Variants in NFKB2 observed in about 807,000 individuals in gnomAD.
The protein encoded by NFKB2 is nuclear factor NF-kappa-B p100 subunit.
NFKB2 carries 21 observed loss-of-function variants against 109.3 expected under a neutral mutation model. The observed-to-expected ratio is 0.19, with a 90% CI of 0.14 to 0.28. NFKB2 has a LOEUF of 0.28. Among genes scored for constraint, NFKB2 ranks in the 10% least tolerant of loss-of-function variants. The pLI is 1.00. For missense variants in NFKB2, 806 were observed against 1,185.3 expected, an observed-to-expected ratio of 0.68 and a Z score of 4.70; for synonymous variants, 478 against 489.9, an observed-to-expected ratio of 0.98 and a Z score of 0.32.
chr10:102,396,122 T>A lies in NFKB2; in HGVS notation c.22-131T>A. 6.9e-7 allele frequency: 1 copy of A among 1,457,314 alleles called. No homozygotes were observed. 90.3% of individuals were successfully genotyped at this position (1,457,314 alleles called of 1,614,324 possible). On this transcript the variant is annotated intron_variant, in intron 2 of 22. Transcript: ENST00000661543. This position sits in a 1 kb window ranked among gnomAD's most constrained non-coding sequence, Gnocchi z 5.9. ...CAGTCTGTCCATCTGTCTGCAACTC[T>A]GCCTCCAAAAGGAGCTTTCTCTTGG...
chr10:102,399,782 G>T, intron 14 of NFKB2, 64 bp downstream of exon 14: 1 of 1,436,080 alleles, frequency 7.0e-7, no homozygotes, highest in Non-Finnish European at 9.1e-7. Flanking sequence ...CCGGCACGGA[G>T]GCGGGCTCTG....
Position 102,399,476 on chromosome 10 carries a change from GC to G in NFKB2, c.1310del (p.Pro437ArgfsTer45). On this transcript the variant is annotated frameshift_variant, in exon 13 of 23. Coordinates refer to ENST00000661543, the MANE Select transcript of NFKB2 (RefSeq NM_001322934.2). LOFTEE classifies it high-confidence loss of function. ...PSRTPQCEPQAPEMLQRAREY... is the reference protein window; with the variant it reads ...PSRTPQCEPQXPEMLQRAREY... ...CAGGACCCCCCAGTGCGAGCCGCAGGCCCCGGAGATGCTGCAGCGAGGTATG... is the reference window on the plus strand; with the variant it reads ...CAGGACCCCCCAGTGCGAGCCGCAGGCCCGGAGATGCTGCAGCGAGGTATG... The G allele has an allele frequency of 6.7e-7, 1 of 1,495,910 alleles. No individual in the cohort carries two copies. The highest frequency in any genetic ancestry group is 8.9e-7 in the Non-Finnish European group (1 of 1,120,822). 92.7% of individuals were successfully genotyped at this position (1,495,910 alleles called of 1,614,324 possible). A position where few individuals can be genotyped will look rare whatever the true frequency, so the allele number is the denominator to read the frequency against.
rs1315519000 is a variant in NFKB2 at position 102,398,697 on chromosome 10, G to T, written c.992-42G>T. The T allele has an allele frequency of 1.2e-6, 2 of 1,612,070 alleles. No homozygotes were observed. The highest frequency in any genetic ancestry group is 4.5e-5 in the East Asian group (2 of 44,884). The stretch of plus-strand genomic sequence containing the variant: ...CTTCTGGGAAGGGCCCCTGAGGCAT[G>T]ACACAATAACTGGGCTCAATCTCAT... On this transcript the variant is annotated intron_variant, in intron 11 of 22. Transcript: ENST00000661543. This position sits in a 1 kb window ranked among gnomAD's most constrained non-coding sequence, Gnocchi z 6.6.
Position 102,402,063 on chromosome 10 carries a change from C to T in NFKB2, c.2482C>T (p.Leu828=), listed in dbSNP as rs2061269243. 3.8e-6 allele frequency: 6 copies of T among 1,570,786 alleles called. No individual in the cohort carries two copies. Among genetic ancestry groups the T allele is most frequent in the Non-Finnish European group, 5.2e-6 (6 of 1,157,516 alleles). The part of the protein sequence containing the change: ...LRSYELAGGD[L]AGLLEALSDM... ...GTCTTCTCAGCTGGCTGGCGGGGAC[C>T]TGGCAGGTCTACTGGAGGCCCTGTC... is the stretch of plus-strand genomic sequence containing the variant. Residue 828 remains leucine, a synonymous_variant, in exon 22 of 23, where the codon CTG becomes TTG. Coordinates refer to ENST00000661543, the MANE Select transcript of NFKB2 (RefSeq NM_001322934.2).
chr10:102,400,563 T>C lies in NFKB2; in HGVS notation c.1798+72T>C. On this transcript the variant is annotated intron_variant, in intron 16 of 22. Transcript: ENST00000661543. The surrounding 1 kb of genome is among the most constrained non-coding windows in gnomAD (Gnocchi z 6.3). ...GAGGGTATCTGGCCAGTGCCCAGAA[T>C]GGACTATGAGGTGTCGAGATTGAAT... 6.3e-7 allele frequency: 1 copy of C among 1,595,272 alleles called. No homozygotes were observed. The highest frequency in any genetic ancestry group is 8.6e-7 in the Non-Finnish European group (1 of 1,169,494).
chr10:102,401,908 C>T lies in NFKB2; in HGVS notation c.2457C>T (p.Arg819=), dbSNP rs767482489. 2 of 1,611,596 alleles carry T rather than the reference C, an allele frequency of 1.2e-6. No homozygotes were observed. The highest frequency in any genetic ancestry group is 8.5e-7 in the Non-Finnish European group (1 of 1,178,746). The change falls in exon 21 of 23, where the codon CGC becomes CGT. Residue 819 remains arginine (R), a synonymous_variant. Transcript: ENST00000661543. The surrounding 1 kb of genome is among the most constrained non-coding windows in gnomAD (Gnocchi z 4.2). ...CCTCACCCAGTGGCAGCCTCCTGCG[C>T]AGCTACGAGGTGGGTTGGCCTGTGC... is the stretch of plus-strand genomic sequence containing the variant. ...QTTSPSGSLL[R]SYELAGGDLA... is the part of the protein sequence containing the mutation.
Position 102,401,579 on chromosome 10 carries a change from CT to C in NFKB2, c.2293+63del. The C allele has an allele frequency of 6.3e-7, 1 of 1,581,024 alleles. No individual in the cohort carries two copies. Among genetic ancestry groups the C allele is most frequent in the Non-Finnish European group, 8.6e-7 (1 of 1,156,822 alleles). On this transcript the variant is annotated intron_variant, in intron 20 of 22. Coordinates refer to ENST00000661543, the MANE Select transcript of NFKB2 (RefSeq NM_001322934.2). This position sits in a 1 kb window ranked among gnomAD's most constrained non-coding sequence, Gnocchi z 4.2. ...TGACTCCTCACAGAGGTCTCTTCTC[CT>C]TCAGGACCTCTGAAGGAGGCCTCCC...
At position 102,402,042 on chromosome 10, in the gene NFKB2, T is replaced by C. The variant is rs1366165888; in HGVS notation, c.2467-6T>C. 1.9e-6 allele frequency: 3 copies of C among 1,570,338 alleles called. No homozygotes were observed. Among genetic ancestry groups the C allele is most frequent in the African/African-American group, 1.4e-5 (1 of 74,038 alleles). On this transcript the variant is annotated splice_polypyrimidine_tract_variant and splice_region_variant and intron_variant, in intron 21 of 22. Coordinates refer to ENST00000661543, the MANE Select transcript of NFKB2 (RefSeq NM_001322934.2). ...TGACTCAGACCTCATTCCTCTGTCT[T>C]CTCAGCTGGCTGGCGGGGACCTGGC... is the stretch of plus-strand genomic sequence containing the variant.
In NFKB2 at chr10:102,397,499, A is replaced by G; in HGVS notation, c.503-28A>G. On this transcript the variant is annotated intron_variant, in intron 7 of 22. Transcript: ENST00000661543. The surrounding 1 kb of genome is among the most constrained non-coding windows in gnomAD (Gnocchi z 4.7). ...GGAAGGAGCAGGGAGGGAGAAGCCC[A>G]GGGGTCACACATGTACCTACTGCCC... is the stretch of plus-strand genomic sequence containing the variant. The G allele has an allele frequency of 1.2e-6, 2 of 1,609,860 alleles. No homozygotes were observed. Among genetic ancestry groups the G allele is most frequent in the Non-Finnish European group, 1.7e-6 (2 of 1,177,358 alleles).
Position 102,402,248 on chromosome 10 carries a change from C to G in NFKB2, c.2579-4C>G, listed in dbSNP as rs1454033930. The G allele has an allele frequency of 1.9e-6, 3 of 1,551,428 alleles. No individual in the cohort carries two copies. The East Asian group carries it at 7.3e-5, about 38-fold the overall frequency. Reference sequence around the variant, plus strand: ...ATCCCATTCCTGTCCCCATTTACCCCCAGCAGAGGTGAAGGAAGACAGTGC... The same window carrying G: ...ATCCCATTCCTGTCCCCATTTACCCGCAGCAGAGGTGAAGGAAGACAGTGC... On this transcript the variant is annotated splice_polypyrimidine_tract_variant and splice_region_variant and intron_variant, in intron 22 of 22. Coordinates refer to ENST00000661543, the MANE Select transcript of NFKB2 (RefSeq NM_001322934.2).
rs1162031775 is a variant in NFKB2 at position 102,398,051 on chromosome 10, T to C, written c.732T>C (p.Asp244=). 6.2e-7 allele frequency: 1 copy of C among 1,614,126 alleles called. No individual in the cohort carries two copies. Among genetic ancestry groups the C allele is most frequent in the Admixed American group, 1.7e-5 (1 of 60,026 alleles). Reference sequence around the variant, plus strand: ...CAGCAGGCTCTGTGCGGGGTGGAGATGAAGTTTATCTGCTTTGTGACAAGG... The same window carrying C: ...CAGCAGGCTCTGTGCGGGGTGGAGACGAAGTTTATCTGCTTTGTGACAAGG... ...DKTAGSVRGG[D]EVYLLCDKVQ... is the part of the protein sequence containing the mutation. Residue 244 remains aspartate, a synonymous_variant, in exon 9 of 23, where the codon GAT becomes GAC. Transcript: ENST00000661543. This position sits in a 1 kb window ranked among gnomAD's most constrained non-coding sequence, Gnocchi z 6.6.
rs1294313949 is a variant in NFKB2, at chr10:102,400,416, C to T, written c.1723C>T (p.Pro575Ser). 4.3e-6 allele frequency: 7 copies of T among 1,613,020 alleles called. No individual in the cohort carries two copies. Among genetic ancestry groups the T allele is most frequent in the South Asian group, 1.1e-5 (1 of 91,084 alleles). Residue 575 changes from proline (P) to serine (S), a missense_variant, in exon 16 of 23, where the codon CCT becomes TCT. Coordinates refer to ENST00000661543, the MANE Select transcript of NFKB2 (RefSeq NM_001322934.2). This position sits in a 1 kb window ranked among gnomAD's most constrained non-coding sequence, Gnocchi z 6.3. ...HLALRAGAGA[P>S]ELLRALLQSG... The stretch of plus-strand genomic sequence containing the variant: ...GGCGCTGCGGGCAGGCGCTGGTGCT[C>T]CTGAGCTGCTGCGTGCACTGCTTCA...
Position 102,398,819 on chromosome 10 carries a change from G to A in NFKB2, c.1072G>A (p.Gly358Arg). ...CTTCGGGGGTGGCTCCCACATGGGTGGAGGCTCTGGGGGTGCAGCCGGGGG... is the reference window on the plus strand; with the variant it reads ...CTTCGGGGGTGGCTCCCACATGGGTAGAGGCTCTGGGGGTGCAGCCGGGGG... ...QPFGGGSHMG[G>R]GSGGAAGGYG... The change falls in exon 12 of 23, where the codon GGA becomes AGA. Residue 358 changes from glycine to arginine, a missense_variant. This residue lies in a region of NFKB2 where 209 missense variants were observed against 211.9 expected (regional missense o/e 0.99). Coordinates refer to ENST00000661543, the MANE Select transcript of NFKB2 (RefSeq NM_001322934.2). This position sits in a 1 kb window ranked among gnomAD's most constrained non-coding sequence, Gnocchi z 6.6. 1 of 1,609,142 alleles carries A rather than the reference G, an allele frequency of 6.2e-7. No homozygotes were observed. Among genetic ancestry groups the A allele is most frequent in the Non-Finnish European group, 8.5e-7 (1 of 1,177,740 alleles).
At position 102,402,162 on chromosome 10, in the gene NFKB2, A is replaced by G; in HGVS notation, c.2578+3A>G. 1.9e-6 allele frequency: 3 copies of G among 1,567,424 alleles called. No homozygotes were observed. The highest frequency in any genetic ancestry group is 2.4e-5 in the East Asian group (1 of 42,190). Reference sequence around the variant, plus strand: ...CCGAGACAAGCTGCCCAGCACAGGTAAAGGGGCCTCCCTGGAAGGTGGATC... The same window carrying G: ...CCGAGACAAGCTGCCCAGCACAGGTGAAGGGGCCTCCCTGGAAGGTGGATC... On this transcript the variant is annotated splice_donor_region_variant and intron_variant, in intron 22 of 22. Transcript: ENST00000661543.
rs749056816 is a variant in NFKB2 at position 102,399,442 on chromosome 10, C to T, written c.1272C>T (p.Ser424=). ...RDSGEEAAEP[S]APSRTPQCEP... is the part of the protein sequence containing the mutation. ...CCGGGGAGGAAGCCGCGGAGCCAAG[C>T]GCCCCCTCCAGGACCCCCCAGTGCG... Residue 424 remains serine (S), a synonymous_variant, in exon 13 of 23, where the codon AGC becomes AGT. Transcript: ENST00000661543. 2.0e-6 allele frequency: 3 copies of T among 1,513,354 alleles called. No homozygotes were observed. Among genetic ancestry groups the T allele is most frequent in the African/African-American group, 1.4e-5 (1 of 70,838 alleles). 93.7% of individuals were successfully genotyped at this position (1,513,354 alleles called of 1,614,324 possible). A position where few individuals can be genotyped will look rare whatever the true frequency, so the allele number is the denominator to read the frequency against.
At position 102,398,152 on chromosome 10, in the gene NFKB2, G is replaced by A. The variant is rs1213886356; in HGVS notation, c.767-60G>A. The A allele has an allele frequency of 6.2e-7, 1 of 1,613,136 alleles. No homozygotes were observed. The highest frequency in any genetic ancestry group is 8.5e-7 in the Non-Finnish European group (1 of 1,179,148). On this transcript the variant is annotated intron_variant, in intron 9 of 22. Transcript: ENST00000661543. The surrounding 1 kb of genome is among the most constrained non-coding windows in gnomAD (Gnocchi z 6.6). ...TAAGACTGGGGCCAGGGAAGCTCTA[G>A]GGTAAATGGCCCCAGAGATTCCACC...
chr10:102,400,007 T>C lies in NFKB2; in HGVS notation c.1470-73T>C. 1.4e-6 allele frequency: 2 copies of C among 1,454,792 alleles called. No homozygotes were observed. Among genetic ancestry groups the C allele is most frequent in the Non-Finnish European group, 1.9e-6 (2 of 1,044,660 alleles). The allele number at this position is 1,454,792 out of a possible 1,614,324, so 90.1% of individuals were successfully genotyped here. ...CCATGGGCCCCAGCGAGGGAGACTA[T>C]GAGGGCGGTGGGGCCTTGAAAGCGA... On this transcript the variant is annotated intron_variant, in intron 14 of 22. Coordinates refer to ENST00000661543, the MANE Select transcript of NFKB2 (RefSeq NM_001322934.2). This position sits in a 1 kb window ranked among gnomAD's most constrained non-coding sequence, Gnocchi z 6.3.
chr10:102,396,462 C>T lies in NFKB2; in HGVS notation c.117C>T (p.Tyr39=), dbSNP rs751118528. 3.7e-6 allele frequency: 6 copies of T among 1,614,094 alleles called. No homozygotes were observed. The highest frequency in any genetic ancestry group is 4.5e-5 in the East Asian group (2 of 44,886). The change falls in exon 4 of 23, where the codon TAC becomes TAT. Residue 39 remains tyrosine (Y), a synonymous_variant. Transcript: ENST00000661543. This position sits in a 1 kb window ranked among gnomAD's most constrained non-coding sequence, Gnocchi z 5.9. ...EPAPETADGP[Y]LVIVEQPKQR... The stretch of plus-strand genomic sequence containing the variant: ...CTCTGTCCCCAGCTGATGGCCCCTA[C>T]CTGGTGATCGTGGAACAGCCTAAGC...
chr10:102,398,375 C>T lies in NFKB2; in HGVS notation c.853-10C>T. The T allele has an allele frequency of 6.2e-7, 1 of 1,613,998 alleles. No homozygotes were observed. Among genetic ancestry groups the T allele is most frequent in the Non-Finnish European group, 8.5e-7 (1 of 1,179,924 alleles). ...CTCACTGACACCCTGTGTCTCCCTG[C>T]ACCCCCCAGTATGCCATTGTGTTCC... On this transcript the variant is annotated splice_polypyrimidine_tract_variant and intron_variant, in intron 10 of 22. Coordinates refer to ENST00000661543, the MANE Select transcript of NFKB2 (RefSeq NM_001322934.2). This position sits in a 1 kb window ranked among gnomAD's most constrained non-coding sequence, Gnocchi z 6.6.
Sources: allele counts gnomAD v4.1 joint callset, GRCh38; gene constraint gnomAD v4.1.1; regional missense constraint gnomAD v4.1.1; non-coding constraint Gnocchi (gnomAD v3.1); transcripts MANE v1.5; gene names NCBI Gene and HGNC (gene_info 2026-07-23, HGNC 2026-07-21).